TESC: variants seen among roughly 807,000 people sequenced by gnomAD.
The protein encoded by TESC is tescalcin.
In TESC, 19 loss-of-function variants were observed where a neutral mutation model predicts 31.0. That is an observed-to-expected ratio of 0.61 (90% CI 0.43 to 0.90). The LOEUF is 0.90. Among genes scored for constraint, TESC ranks in the 40% least tolerant of loss-of-function variants. The pLI is 0.00. For missense variants in TESC, 248 were observed against 303.8 expected (o/e 0.82, Z 1.36); for synonymous variants, 109 against 114.8 (o/e 0.95, Z 0.32).
intron 3 of TESC, among the ~76,000 whole-genome samples, chr12:117,050,378 T>C (rs948812077): frequency 6.6e-6 from 1 of 152,218 alleles, no homozygotes; most frequent in African/African-American, 2.4e-5. Context: ...TTCAAAATTT[T>C]AGGATGGTGA....
intron 1 of TESC, among the ~76,000 whole-genome samples, chr12:117,082,350 A>G (rs1194808961): frequency 6.6e-6 from 1 of 152,046 alleles, no homozygotes; most frequent in East Asian, 1.9e-4. Flanking sequence ...CTAAAAATAC[A>G]AAAATTAGCC....
At chr12:117,080,748 C>CA (rs1955134611) in intron 1 of TESC, among the ~76,000 whole-genome samples, 1 of 152,214 alleles carries the variant, frequency 6.6e-6, no homozygotes, top group Admixed American at 6.5e-5. Flanking sequence ...CTCCTAACTG[C>CA]GCCCCCCCAA....
At chr12:117,088,710 C>T (rs1323862125) in intron 1 of TESC, among the ~76,000 whole-genome samples, 1 of 151,420 alleles carries the variant, frequency 6.6e-6, no homozygotes, top group East Asian at 1.9e-4. Flanking sequence ...ACAAGGCTTA[C>T]TTCAGTAGGA....
intron 1 of TESC, among the ~76,000 whole-genome samples, chr12:117,081,111 G>A (rs1955141703): frequency 6.6e-6 from 1 of 152,114 alleles, no homozygotes; most frequent in African/African-American, 2.4e-5. Context: ...AGATGGAGGT[G>A]AACTGTCACT....
chr12:117,052,553 A>G (rs1295779068), intron 3 of TESC, among the ~76,000 whole-genome samples: 3 of 151,912 alleles, frequency 2.0e-5, no homozygotes, highest in Non-Finnish European at 4.4e-5. Flanking sequence ...CTTTCTCCAC[A>G]CCAGGTTTCT....
At chr12:117,068,222 G>A (rs956393877) in intron 2 of TESC, among the ~76,000 whole-genome samples, 3 of 151,828 alleles carry the variant, frequency 2.0e-5, no homozygotes, top group South Asian at 2.1e-4. Flanking sequence ...AAAAATGACA[G>A]AGCAGTGGTA....
At chr12:117,046,750 C>T (rs751765687) in intron 5 of TESC, 27 bp downstream of exon 5, 52 of 1,556,448 alleles carry the variant, frequency 3.3e-5, no homozygotes, top group Non-Finnish European at 4.0e-5. Context: ...CCAGGAGCCC[C>T]GGGCGGGCCA....
At position 117,046,843 on chromosome 12, in the gene TESC, G is replaced by A; in HGVS notation, c.350-5C>T. The A allele has an allele frequency of 6.4e-7, 1 of 1,565,144 alleles. No homozygotes were observed. The highest frequency in any genetic ancestry group is 8.7e-7 in the Non-Finnish European group (1 of 1,154,672). ...AGTCGTACATGTGGAACAGAACTAG[G>A]GTGGCAGGGGAGAGAGGGGACTCCG... On this transcript the variant is annotated splice_polypyrimidine_tract_variant and splice_region_variant and intron_variant, in intron 4 of 7. Coordinates refer to ENST00000335209, the MANE Select transcript of TESC (RefSeq NM_017899.4).
Position 117,049,120 on chromosome 12 carries a change from A to G in TESC, c.248T>C (p.Ile83Thr), listed in dbSNP as rs1397237846. Residue 83 changes from isoleucine to threonine, a missense_variant, in exon 4 of 8, where the codon ATC becomes ACC. Physicochemically the swap from Ile to Thr is moderately conservative, Grantham distance 89 (BLOSUM62 -1). Coordinates refer to ENST00000335209, the MANE Select transcript of TESC (RefSeq NM_017899.4). ...RKGPSGLADEINFEDFLTIMS... is the reference protein window; with the variant it reads ...RKGPSGLADETNFEDFLTIMS... ...GATGGTCAGGAAGTCCTCGAAATTG[A>G]TCTCATCAGCCAGGCCACTGGGTCC... 2 of 1,614,062 alleles carry G rather than the reference A, an allele frequency of 1.2e-6. No homozygotes were observed. Among genetic ancestry groups the G allele is most frequent in the Non-Finnish European group, 1.7e-6 (2 of 1,180,038 alleles).
chr12:117,074,600 C>T (rs1447348022), intron 2 of TESC, among the ~76,000 whole-genome samples: 1 of 152,124 alleles, frequency 6.6e-6, no homozygotes. Context: ...GCCTGAGCCC[C>T]TAAGTCGGGC....
intron 1 of TESC, among the ~76,000 whole-genome samples, chr12:117,081,327 T>C (rs1246169144): frequency 1.3e-5 from 2 of 152,216 alleles, no homozygotes; most frequent in East Asian, 3.8e-4. Flanking sequence ...TTAAATATAA[T>C]GGGCTAAATA....
At chr12:117,067,629 G>C (rs534636844) in intron 2 of TESC, among the ~76,000 whole-genome samples, 4 of 152,148 alleles carry the variant, frequency 2.6e-5, no homozygotes, top group Non-Finnish European at 5.9e-5. Context: ...AAAGTGACTG[G>C]GTTAAAAGGG....
In TESC at chr12:117,067,836, G is replaced by A. The variant is rs117334917; in HGVS notation, c.128+7435C>T. ...AGACCATGTGAGCGTTGAGCCCAGC[G>A]TCTGGCACATGTTAGCACTCTGCTG... On this transcript the variant is annotated intron_variant, in intron 2 of 7. Coordinates refer to ENST00000335209, the MANE Select transcript of TESC (RefSeq NM_017899.4). Among the ~76,000 whole-genome samples, 45 of 152,304 alleles carry A rather than the reference G, an allele frequency of 3.0e-4. No homozygotes were observed. The East Asian group carries it at 7.0e-3, about 24-fold the overall frequency.
rs1445372634 is a variant in TESC, at chr12:117,046,764, G to A, written c.411+13C>T. On this transcript the variant is annotated intron_variant, in intron 5 of 7. Coordinates refer to ENST00000335209, the MANE Select transcript of TESC (RefSeq NM_017899.4). ...ACCAGGAGCCCCGGGCGGGCCAGAG[G>A]AGCATACTTTACATTTCGATATTCT... 1 of 1,560,374 alleles carries A rather than the reference G, an allele frequency of 6.4e-7. No homozygotes were observed. Among genetic ancestry groups the A allele is most frequent in the East Asian group, 2.4e-5 (1 of 41,968 alleles).
intron 2 of TESC, among the ~76,000 whole-genome samples, chr12:117,067,079 C>T (rs1397061250): frequency 2.0e-5 from 3 of 152,150 alleles, no homozygotes; most frequent in Non-Finnish European, 2.9e-5. Context: ...GCCTCACGCC[C>T]GCTGTCTTTT....
At chr12:117,057,554 TG>T (rs1954742347) in intron 2 of TESC, among the ~76,000 whole-genome samples, 1 of 152,184 alleles carries the variant, frequency 6.6e-6, no homozygotes, top group African/African-American at 2.4e-5. Flanking sequence ...GGTGCTGGCT[TG>T]GAGCTCTGGA....
chr12:117,065,712 G>T (rs932628109), intron 2 of TESC, among the ~76,000 whole-genome samples: 1 of 151,980 alleles, frequency 6.6e-6, no homozygotes, highest in Admixed American at 6.6e-5. Context: ...AACATGGCAA[G>T]ACCCCATCTC....
chr12:117,055,389 G>A lies in TESC; in HGVS notation c.209+1417C>T, dbSNP rs1404907588. 3.3e-5 allele frequency among the ~76,000 whole-genome samples: 5 copies of A among 152,026 alleles called. No homozygotes were observed. The East Asian group carries it at 5.8e-4, about 18-fold the overall frequency. On this transcript the variant is annotated intron_variant, in intron 3 of 7. Transcript: ENST00000335209. ...AGCTCCTGACCTCAAGTGATCTGCC[G>A]GCCTCGGCCTCCCAAAGTGCTGGGA...
At chr12:117,098,153 C>A (rs1270398534) in intron 1 of TESC, among the ~76,000 whole-genome samples, 1 of 152,206 alleles carries the variant, frequency 6.6e-6, no homozygotes, top group Non-Finnish European at 1.5e-5. Context: ...TCTTGGTGAT[C>A]AATACTGGAC....
Sources: allele counts gnomAD v4.1 joint callset (sites outside exome capture counted in the v4.1 genomes callset), GRCh38; gene constraint gnomAD v4.1.1; transcripts MANE v1.5; gene names NCBI Gene and HGNC (gene_info 2026-07-23, HGNC 2026-07-21).